Variants in WWOX observed in about 807,000 individuals in gnomAD.
WWOX encodes the protein WW domain-containing oxidoreductase.
In WWOX, 69 loss-of-function variants were observed where a neutral mutation model predicts 46.2. The ratio of observed to expected loss-of-function variants is 1.49; its 90% CI spans 1.23 to 1.82. The LOEUF is 1.82. Among genes scored for constraint, WWOX ranks in the 40% most tolerant of loss-of-function variants. The pLI is 0.00. For synonymous variants in WWOX, 359 were observed against 202.6 expected, an observed-to-expected ratio of 1.77 and a Z score of -6.56; for missense variants, 919 against 542.6, an observed-to-expected ratio of 1.69 and a Z score of -6.89.
chr16:78,796,286 G>T (rs749008660), intron 8 of WWOX, among the ~76,000 whole-genome samples: 1 of 152,166 alleles, frequency 6.6e-6, no homozygotes, highest in Non-Finnish European at 1.5e-5. Context: ...TGACATCTTG[G>T]GCTCAGCCAT....
At chr16:78,380,409 A>T (rs947984278) in intron 5 of WWOX, among the ~76,000 whole-genome samples, 1 of 152,146 alleles carries the variant, frequency 6.6e-6, no homozygotes, top group African/African-American at 2.4e-5. Context: ...GCACCCTGCG[A>T]AGATGCTATA....
intron 5 of WWOX, among the ~76,000 whole-genome samples, chr16:78,370,788 T>G (rs1486378624): frequency 4.0e-5 from 5 of 124,540 alleles, no homozygotes; most frequent in African/African-American, 1.5e-4. Context: ...CTTTTTTTTT[T>G]GGGGGGGGGG....
intron 8 of WWOX, among the ~76,000 whole-genome samples, chr16:78,710,568 A>G (rs2048423694): frequency 1.4e-5 from 2 of 144,242 alleles, no homozygotes; most frequent in Admixed American, 7.2e-5. Flanking sequence ...ATGCAAGTAT[A>G]TATCTAAATA....
At chr16:79,183,154 C>A (rs537291193) in intron 8 of WWOX, among the ~76,000 whole-genome samples, 4 of 152,194 alleles carry the variant, frequency 2.6e-5, no homozygotes, top group Non-Finnish European at 4.4e-5. Context: ...GGGGAGAAGG[C>A]GTGAGCAGAG....
At chr16:78,107,289 T>G (rs2032206762) in intron 1 of WWOX, among the ~76,000 whole-genome samples, 1 of 152,232 alleles carries the variant, frequency 6.6e-6, no homozygotes, top group East Asian at 1.9e-4. Flanking sequence ...TGACACGTGT[T>G]TCTAGTTATT....
At chr16:78,301,895 G>T (rs1162037045) in intron 5 of WWOX, among the ~76,000 whole-genome samples, 1 of 151,994 alleles carries the variant, frequency 6.6e-6, no homozygotes, top group Non-Finnish European at 1.5e-5. Flanking sequence ...CACAGAGTAA[G>T]GCCTCTTCTA....
chr16:78,574,126 A>C (rs2044787764), intron 8 of WWOX, among the ~76,000 whole-genome samples: 1 of 152,160 alleles, frequency 6.6e-6, no homozygotes, highest in African/African-American at 2.4e-5. Flanking sequence ...CAGCTCCTAG[A>C]GGCATCAACA....
intron 8 of WWOX, chr16:79,205,373 T>G (rs1405443748): frequency 6.6e-6 from 1 of 152,186 alleles, no homozygotes; most frequent in Admixed American, 6.5e-5. Context: ...GCCTGAGGTT[T>G]TTCTACCTTT....
intron 8 of WWOX, among the ~76,000 whole-genome samples, chr16:78,919,038 C>G (rs532990779): frequency 2.6e-5 from 4 of 152,204 alleles, no homozygotes; most frequent in African/African-American, 9.6e-5. Context: ...TCGTTAAGTT[C>G]AGTCATAGCA....
At chr16:78,825,516 C>A in intron 8 of WWOX, 1 of 505,360 alleles carries the variant, frequency 2.0e-6, no homozygotes, top group South Asian at 1.5e-5. Context: ...ATTTGGCTTC[C>A]CACAGGGCAT....
chr16:78,306,268 G>C (rs895392944), intron 5 of WWOX, among the ~76,000 whole-genome samples: 1 of 152,152 alleles, frequency 6.6e-6, no homozygotes, highest in African/African-American at 2.4e-5. Flanking sequence ...GATACCTCTG[G>C]ATAATGACAA....
At chr16:78,803,166 CACA>C (rs1252628049) in intron 8 of WWOX, among the ~76,000 whole-genome samples, 4 of 151,476 alleles carry the variant, frequency 2.6e-5, no homozygotes, top group South Asian at 2.1e-4. Flanking sequence ...ATTCCACTCA[CACA>C]ACAAGTCAGT....
At chr16:78,447,659 G>A (rs972169456) in intron 8 of WWOX, among the ~76,000 whole-genome samples, 4 of 152,198 alleles carry the variant, frequency 2.6e-5, no homozygotes, top group Non-Finnish European at 5.9e-5. Context: ...ACATTTACTC[G>A]AGAAAGAATA....
rs372825200 is a variant in WWOX, at chr16:78,601,116, C to A, written c.1056+168364C>A. Among the ~76,000 whole-genome samples, 16 of 152,302 alleles carry A rather than the reference C, an allele frequency of 1.1e-4. No individual in the cohort carries two copies. In the East Asian group the frequency reaches 2.3e-3, roughly 22 times the overall value. The stretch of plus-strand genomic sequence containing the variant: ...TTCAGGACTCAGGGTGTATAAGTGA[C>A]ATGGCTCCTCGCACAGCAGGGATGG... On this transcript the variant is annotated intron_variant, in intron 8 of 8. Coordinates refer to ENST00000566780, the MANE Select transcript of WWOX (RefSeq NM_016373.4).
At chr16:78,369,678 G>T (rs1382168949) in intron 5 of WWOX, among the ~76,000 whole-genome samples, 9 of 151,976 alleles carry the variant, frequency 5.9e-5, no homozygotes, top group African/African-American at 2.2e-4. Context: ...TCTCCAGAAA[G>T]GTCTCTCTCG....
At chr16:79,153,944 T>G (rs1397804345) in intron 8 of WWOX, among the ~76,000 whole-genome samples, 1 of 140,464 alleles carries the variant, frequency 7.1e-6, no homozygotes, top group Admixed American at 6.9e-5. Context: ...CTGTCCACAA[T>G]TTCTTGTCCT....
At chr16:78,388,969 CAAA>C (rs71137896) in intron 6 of WWOX, among the ~76,000 whole-genome samples, 6 of 129,280 alleles carry the variant, frequency 4.6e-5, no homozygotes, top group South Asian at 2.7e-4. Flanking sequence ...AACTCTGTCT[CAAA>C]AAAAAAAAAA....
chr16:78,356,514 C>T (rs2081294860), intron 5 of WWOX, among the ~76,000 whole-genome samples: 2 of 152,120 alleles, frequency 1.3e-5, no homozygotes, highest in African/African-American at 4.8e-5. Flanking sequence ...ACCTCATCTC[C>T]AGTGCTCTGA....
rs117771923 is a variant in WWOX, at chr16:79,029,252, C to T, written c.1057-182356C>T. ...CGGCTGGGCCTACTCAGTTCCACGT[C>T]TTTGAGTTTTCACGCGGAAACTGGA... is the stretch of plus-strand genomic sequence containing the variant. On this transcript the variant is annotated intron_variant, in intron 8 of 8. Transcript: ENST00000566780. Among the ~76,000 whole-genome samples, 19 of 152,288 alleles carry T rather than the reference C, an allele frequency of 1.2e-4. 1 individual carries two copies. In the East Asian group the frequency reaches 3.7e-3, roughly 29 times the overall value.
Sources: gnomAD v4.1 joint callset for allele counts (sites outside exome capture counted in the v4.1 genomes callset) on GRCh38, gnomAD v4.1.1 for gene constraint, MANE v1.5 for transcripts, NCBI Gene and HGNC (gene_info 2026-07-23, HGNC 2026-07-21) for gene names.